Variants in NOCT observed in about 807,000 individuals in gnomAD.
NOCT encodes CCR4 carbon catabolite repression 4-like.
A neutral mutation model predicts 35.0 loss-of-function variants in NOCT; 18 were observed. The ratio of observed to expected loss-of-function variants is 0.51; its 90% CI spans 0.36 to 0.76. The LOEUF (loss-of-function observed/expected upper bound fraction) is 0.76, where lower values mean the gene tolerates loss of function less well. Ranked by LOEUF, NOCT falls within the 30% of genes least tolerant of loss-of-function variation. The pLI is 0.01. For synonymous variants in NOCT, 235 were observed against 226.3 expected (o/e 1.04, Z -0.34); for missense variants, 479 against 541.0 (o/e 0.89, Z 1.14).
intron 1 of NOCT, among the ~76,000 whole-genome samples, chr4:139,034,629 G>T (rs1030843480): frequency 6.6e-6 from 1 of 152,040 alleles, no homozygotes; most frequent in East Asian, 1.9e-4. Flanking sequence ...GGAGTGCAGT[G>T]GCGTGTCTCA....
At position 139,015,856 on chromosome 4, in the gene NOCT, C is replaced by A; in HGVS notation, c.-126C>A. On this transcript the variant is annotated 5_prime_UTR_variant, in exon 1 of 3. Transcript: ENST00000280614. ...CGGGATTTCCCCAGAACCTGCGCCG[C>A]GCGAGAAGGAGCCTGGGAGCATCCG... The A allele has an allele frequency of 2.7e-6, 2 of 731,666 alleles. No homozygotes were observed. The highest frequency in any genetic ancestry group is 3.7e-6 in the Non-Finnish European group (2 of 539,302). 45.3% of individuals were successfully genotyped at this position (731,666 alleles called of 1,614,324 possible). A position where few individuals can be genotyped will look rare whatever the true frequency, so the allele number is the denominator to read the frequency against.
Position 139,045,441 on chromosome 4 carries a change from C to A in NOCT, c.1263C>A (p.Phe421Leu). The A allele has an allele frequency of 6.2e-7, 1 of 1,602,698 alleles. No homozygotes were observed. Residue 421 changes from phenylalanine to leucine, a missense_variant, in exon 3 of 3, where the codon TTC becomes TTA. Physicochemically the swap from Phe to Leu is conservative, Grantham distance 22. Coordinates refer to ENST00000280614, the MANE Select transcript of NOCT (RefSeq NM_012118.4). The stretch of plus-strand genomic sequence containing the variant: ...ACCACCTGTCTCTAGTGTGTGACTT[C>A]AGCTTTACTGAGGAATCTGATGGAC... ...PSDHLSLVCD[F>L]SFTEESDGLS
chr4:139,040,178 G>A (rs112763023), intron 1 of NOCT, among the ~76,000 whole-genome samples: 25,917 of 148,258 alleles, frequency 0.17, 2,734 homozygotes, highest in Middle Eastern at 0.34. Context: ...GACTACAGGC[G>A]CCCGCCACCA....
rs371042290 is a variant in NOCT at position 139,045,025 on chromosome 4, G to T, written c.847G>T (p.Ala283Ser). 1 of 1,614,054 alleles carries T rather than the reference G, an allele frequency of 6.2e-7. No individual in the cohort carries two copies. The highest frequency in any genetic ancestry group is 8.5e-7 in the Non-Finnish European group (1 of 1,180,042). ...GGAGTCAGGCCGACAGTTCTGCATC[G>T]CTGTTACCCATCTAAAAGCACGCAC... ...CKESGRQFCI[A>S]VTHLKARTGW... is the part of the protein sequence containing the mutation. Residue 283 changes from alanine to serine, a missense_variant, in exon 3 of 3, where the codon GCT becomes TCT. Physicochemically the swap from Ala to Ser is moderately conservative, Grantham distance 99. Transcript: ENST00000280614.
In NOCT at chr4:139,045,238, G is replaced by T; in HGVS notation, c.1060G>T (p.Asp354Tyr). Residue 354 changes from aspartate to tyrosine, a missense_variant, in exon 3 of 3, where the codon GAT becomes TAT. Physicochemically the swap from Asp to Tyr is radical, Grantham distance 160 (BLOSUM62 -3). Coordinates refer to ENST00000280614, the MANE Select transcript of NOCT (RefSeq NM_012118.4). ...LNSAYKLLSA[D>Y]GQSEPPYTTW... ...CAGCGCCTACAAGCTGCTGAGTGCT[G>T]ATGGGCAGTCAGAACCCCCATACAC... The T allele has an allele frequency of 1.2e-6, 2 of 1,614,144 alleles. No homozygotes were observed. Among genetic ancestry groups the T allele is most frequent in the Non-Finnish European group, 1.7e-6 (2 of 1,180,006 alleles).
chr4:139,019,332 G>A (rs571677996), intron 1 of NOCT, among the ~76,000 whole-genome samples: 3 of 152,212 alleles, frequency 2.0e-5, no homozygotes, highest in African/African-American at 4.8e-5. Context: ...GGGATTACAG[G>A]TGTGAGCCAC....
At chr4:139,034,852 T>TGCCCG (rs1213880014) in intron 1 of NOCT, among the ~76,000 whole-genome samples, 1 of 152,192 alleles carries the variant, frequency 6.6e-6, no homozygotes, top group Admixed American at 6.5e-5. Context: ...TGAGCCACTG[T>TGCCCG]GCCCGGCTCA....
intron 1 of NOCT, among the ~76,000 whole-genome samples, chr4:139,016,720 A>G (rs1382311034): frequency 8.4e-6 from 1 of 118,574 alleles, no homozygotes; most frequent in African/African-American, 3.3e-5. Context: ...GTGGCACGAT[A>G]TCGGCTTACC....
Position 139,044,836 on chromosome 4 carries a change from CCCTGGTCACCTTGTCTAGAT to C in NOCT, c.659_678del (p.Pro220ArgfsTer28), listed in dbSNP as rs775934319. On this transcript the variant is annotated frameshift_variant, in exon 3 of 3. Transcript: ENST00000280614. LOFTEE classifies it high-confidence loss of function. ...CTATCAAGGCACGTTTTTCCCCAAACCCTGGTCACCTTGTCTAGATGTAGAACACAACAATGGACCAGATG... is the reference window on the plus strand; with the variant it reads ...CTATCAAGGCACGTTTTTCCCCAAACGTAGAACACAACAATGGACCAGATG... 6.2e-7 allele frequency: 1 copy of C among 1,614,222 alleles called. No individual in the cohort carries two copies. The highest frequency in any genetic ancestry group is 8.5e-7 in the Non-Finnish European group (1 of 1,180,038).
Position 139,045,290 on chromosome 4 carries a change from A to G in NOCT, c.1112A>G (p.Glu371Gly). The G allele has an allele frequency of 6.2e-7, 1 of 1,614,108 alleles. No individual in the cohort carries two copies. The highest frequency in any genetic ancestry group is 1.3e-5 in the African/African-American group (1 of 75,016). The change falls in exon 3 of 3, where the codon GAG becomes GGG. Residue 371 changes from glutamate to glycine, a missense_variant. This residue lies in a region of NOCT where 214 missense variants were observed against 284.0 expected (regional missense o/e 0.75). Transcript: ENST00000280614. ...ACCTGGAAGATCCGGACCTCAGGGG[A>G]GTGCAGGCACACCCTGGATTACATC... Reference protein sequence around the residue: ...YTTWKIRTSGECRHTLDYIWY... With the variant: ...YTTWKIRTSGGCRHTLDYIWY...
chr4:139,021,070 C>CAAAAAA (rs942925444), intron 1 of NOCT, among the ~76,000 whole-genome samples: 2 of 55,634 alleles, frequency 3.6e-5, no homozygotes, highest in African/African-American at 6.0e-5. Context: ...TACTCTGTCT[C>CAAAAAA]AAAAAAAAAA....
chr4:139,033,784 G>C (rs1726668701), intron 1 of NOCT, among the ~76,000 whole-genome samples: 1 of 151,722 alleles, frequency 6.6e-6, no homozygotes. Context: ...TTGAGAGCTG[G>C]GGTGCAGTGG....
chr4:139,045,509 ATTTTTTTTTTTTTTTTTTTTT>A lies in NOCT; in HGVS notation c.*40_*60del. ...TTTGTCTTTTTAATCACAGGAGTCT[ATTTTTTTTTTTTTTTTTTTTT>A]TTTTGAGACAGAGTCTCGCTCTGTT... On this transcript the variant is annotated 3_prime_UTR_variant, in exon 3 of 3. Coordinates refer to ENST00000280614, the MANE Select transcript of NOCT (RefSeq NM_012118.4). The A allele has an allele frequency of 1.6e-5, 6 of 377,166 alleles. No individual in the cohort carries two copies. Among genetic ancestry groups the A allele is most frequent in the Non-Finnish European group, 2.6e-5 (6 of 232,070 alleles). 23.4% of individuals were successfully genotyped at this position (377,166 alleles called of 1,614,324 possible).
intron 1 of NOCT, among the ~76,000 whole-genome samples, chr4:139,026,157 A>G (rs1386021412): frequency 6.6e-6 from 1 of 152,188 alleles, no homozygotes; most frequent in African/African-American, 2.4e-5. Context: ...GCTGGAGTGC[A>G]GTGGCGCAAT....
intron 1 of NOCT, among the ~76,000 whole-genome samples, chr4:139,026,619 C>T (rs1222720146): frequency 3.3e-5 from 5 of 151,104 alleles, no homozygotes; most frequent in South Asian, 2.1e-4. Context: ...GGCACGATCT[C>T]GGCTCACTGC....
At chr4:139,019,699 G>A (rs1259357606) in intron 1 of NOCT, among the ~76,000 whole-genome samples, 2 of 152,012 alleles carry the variant, frequency 1.3e-5, no homozygotes, top group Non-Finnish European at 2.9e-5. Context: ...TCAGATTCCA[G>A]GTTGTTAGAA....
At chr4:139,038,544 AC>A (rs1206281134) in intron 1 of NOCT, among the ~76,000 whole-genome samples, 1 of 152,242 alleles carries the variant, frequency 6.6e-6, no homozygotes, top group African/African-American at 2.4e-5. Context: ...CTAAAAGACA[AC>A]AGGGAATGAT....
intron 1 of NOCT, among the ~76,000 whole-genome samples, chr4:139,030,217 C>T (rs1297724719): frequency 6.6e-6 from 1 of 152,172 alleles, no homozygotes; most frequent in Non-Finnish European, 1.5e-5. Context: ...CCTCATTACA[C>T]TTTTGAACCT....
intron 1 of NOCT, among the ~76,000 whole-genome samples, chr4:139,031,663 T>C (rs1726626797): frequency 6.6e-6 from 1 of 152,120 alleles, no homozygotes. Context: ...TTGGTAGTAT[T>C]AAGGGTGTAC....
Sources: allele counts gnomAD v4.1 joint callset (sites outside exome capture counted in the v4.1 genomes callset), GRCh38; gene constraint gnomAD v4.1.1; regional missense constraint gnomAD v4.1.1; transcripts MANE v1.5; gene names NCBI Gene and HGNC (gene_info 2026-07-23, HGNC 2026-07-21).